The following EPS15L1 variants were observed in gnomAD, a reference collection of about 807,000 sequenced individuals.
EPS15L1 encodes epidermal growth factor receptor pathway substrate 15 like 1.
EPS15L1 carries 43 observed loss-of-function variants against 117.1 expected under a neutral mutation model. The ratio of observed to expected loss-of-function variants is 0.37; its 90% CI spans 0.29 to 0.47. The LOEUF (loss-of-function observed/expected upper bound fraction) is 0.47, where lower values mean the gene tolerates loss of function less well. Among genes scored for constraint, EPS15L1 ranks in the 20% least tolerant of loss-of-function variants. The probability of loss-of-function intolerance (pLI) is 0.99; values close to 1 mark genes in which losing one functional copy is unlikely to be tolerated. For missense variants in EPS15L1, 981 were observed against 1,164.0 expected, an observed-to-expected ratio of 0.84 and a Z score of 2.29; for synonymous variants, 459 against 470.5, an observed-to-expected ratio of 0.98 and a Z score of 0.32.
chr19:16,471,648 G>A lies in EPS15L1; in HGVS notation c.33+265C>T, dbSNP rs1052352764. ...TCCCCGGCCTGGGAGCTTCAGCGGC[G>A]GCAGGGTCCGGGCCCTGGGCGGAGA... On this transcript the variant is annotated intron_variant, in intron 1 of 23. Transcript: ENST00000455140. The surrounding 1 kb of genome is among the most constrained non-coding windows in gnomAD (Gnocchi z 4.8). 7.2e-5 allele frequency among the ~76,000 whole-genome samples: 11 copies of A among 152,132 alleles called. No homozygotes were observed. Among genetic ancestry groups the A allele is most frequent in the East Asian group, 1.9e-4 (1 of 5,162 alleles).
Position 16,434,325 on chromosome 19 carries a change from G to A in EPS15L1, c.498+40C>T, listed in dbSNP as rs1196331548. On this transcript the variant is annotated intron_variant, in intron 7 of 23. Transcript: ENST00000455140. Reference sequence around the variant, plus strand: ...AACAGTGGCGCCCACACACAGCAGGGACACTGAGTGCAGAAGAACCAAGCC... The same window carrying A: ...AACAGTGGCGCCCACACACAGCAGGAACACTGAGTGCAGAAGAACCAAGCC... The A allele has an allele frequency of 2.5e-6, 4 of 1,606,258 alleles. No homozygotes were observed. The Admixed American group carries it at 5.1e-5, about 21-fold the overall frequency.
intron 23 of EPS15L1, 71 bp downstream of exon 23, chr19:16,361,708 G>C: frequency 6.6e-7 from 1 of 1,516,830 alleles, no homozygotes; most frequent in Non-Finnish European, 8.8e-7. Context: ...CCTTTAAAAG[G>C]AGACAAAAAT....
chr19:16,421,531 CA>C (rs2092813941), intron 9 of EPS15L1, 55 bp from the exon 10 acceptor site: 2 of 1,555,844 alleles, frequency 1.3e-6, no homozygotes, highest in African/African-American at 2.7e-5. Context: ...GACCCCCAGA[CA>C]CATGCTTTTT....
In EPS15L1 at chr19:16,355,679, C is replaced by G. The variant is rs902539657; in HGVS notation, c.*26G>C. 1 of 1,531,610 alleles carries G rather than the reference C, an allele frequency of 6.5e-7. No homozygotes were observed. Among genetic ancestry groups the G allele is most frequent in the Non-Finnish European group, 8.7e-7 (1 of 1,143,444 alleles). The allele number at this position is 1,531,610 out of a possible 1,614,324, so 94.9% of individuals were successfully genotyped here. The stretch of plus-strand genomic sequence containing the variant: ...CCCCTCTCTGGAACCCGCCCGTGCC[C>G]TGTCCCGCCTACACACGGCCCTCGC... On this transcript the variant is annotated 3_prime_UTR_variant, in exon 24 of 24. Coordinates refer to ENST00000455140, the MANE Select transcript of EPS15L1 (RefSeq NM_001258374.3).
chr19:16,423,917 A>G (rs2092842390), intron 9 of EPS15L1, among the ~76,000 whole-genome samples: 1 of 152,236 alleles, frequency 6.6e-6, no homozygotes, highest in Non-Finnish European at 1.5e-5. Flanking sequence ...GGATGACAAG[A>G]GTCCTAATAA....
intron 16 of EPS15L1, among the ~76,000 whole-genome samples, chr19:16,397,289 C>T (rs971959439): frequency 7.9e-5 from 12 of 152,066 alleles, no homozygotes; most frequent in Non-Finnish European, 1.5e-4. Flanking sequence ...GGGGTTTCAC[C>T]ATGTTGGGCA....
rs546248750 is a variant in EPS15L1 at position 16,377,376 on chromosome 19, C to A, written c.2248-122G>T. 91 of 1,072,284 alleles carry A rather than the reference C, an allele frequency of 8.5e-5. 2 individuals are homozygous for A. The South Asian group carries it at 1.3e-3, about 15-fold the overall frequency. The allele number at this position is 1,072,284 out of a possible 1,614,324, so 66.4% of individuals were successfully genotyped here. A position where few individuals can be genotyped will look rare whatever the true frequency, so the allele number is the denominator to read the frequency against. On this transcript the variant is annotated intron_variant, in intron 21 of 23. Coordinates refer to ENST00000455140, the MANE Select transcript of EPS15L1 (RefSeq NM_001258374.3). ...AAGGCCTCCTACCCTCTGGACTGCA[C>A]AACATGGCCCTGCTTGGACGTGGGG...
chr19:16,444,592 G>A (rs1037419651), intron 1 of EPS15L1, among the ~76,000 whole-genome samples: 1 of 152,152 alleles, frequency 6.6e-6, no homozygotes, highest in Non-Finnish European at 1.5e-5. Context: ...AGGTGACAGT[G>A]GTCAGGTCTA....
At chr19:16,412,933 G>A (rs1184420729) in intron 13 of EPS15L1, 2 of 657,848 alleles carry the variant, frequency 3.0e-6, no homozygotes, top group Non-Finnish European at 5.7e-6. Flanking sequence ...GTCCCTGGAG[G>A]AGAGCTATCT....
intron 18 of EPS15L1, among the ~76,000 whole-genome samples, chr19:16,393,659 A>AAT (rs1568413064): frequency 1.7e-4 from 25 of 149,910 alleles, no homozygotes; most frequent in African/African-American, 5.4e-4. Flanking sequence ...AAAAAAAAAA[A>AAT]AAATAAAAAA....
At chr19:16,436,658 C>A (rs1379541761) in intron 6 of EPS15L1, 2 of 363,670 alleles carry the variant, frequency 5.5e-6, no homozygotes, top group African/African-American at 2.1e-5. Context: ...ATTTAAACTG[C>A]AGCCCTTTAA....
rs2091972489 is a variant in EPS15L1 at position 16,355,822 on chromosome 19, C to G, written c.2616G>C (p.Trp872Cys). 6.5e-7 allele frequency: 1 copy of G among 1,535,982 alleles called. No individual in the cohort carries two copies. ...SFGNEEQQLA[W>C]AKRESEKAEQ... is the part of the protein sequence containing the mutation. Reference sequence around the variant, plus strand: ...CCGCCTTCTCGCTCTCCCGCTTGGCCCACGCCAGCTGCTGCTCCTCATTGC... The same window carrying G: ...CCGCCTTCTCGCTCTCCCGCTTGGCGCACGCCAGCTGCTGCTCCTCATTGC... The change falls in exon 24 of 24, where the codon TGG (tryptophan) becomes TGC (cysteine). Residue 872 changes from tryptophan to cysteine, a missense_variant. Coordinates refer to ENST00000455140, the MANE Select transcript of EPS15L1 (RefSeq NM_001258374.3).
At position 16,369,676 on chromosome 19, in the gene EPS15L1, A is replaced by AGTGTGTGTGTGTGTGTGTGTGTGT. The variant is rs10543332; in HGVS notation, c.2380+7422_2380+7445dup. Among the ~76,000 whole-genome samples, 1,111 of 146,088 alleles carry AGTGTGTGTGTGTGTGTGTGTGTGT rather than the reference A, an allele frequency of 7.6e-3. 8 individuals are homozygous for AGTGTGTGTGTGTGTGTGTGTGTGT. The highest frequency in any genetic ancestry group is 8.2e-3 in the African/African-American group (318 of 38,950). ...CTGCACCAGCCCTGGAAGAAAAAAA[A>AGTGTGTGTGTGTGTGTGTGTGTGT]GTGTGTGTGTGTGTGTGTGTGTGTG... On this transcript the variant is annotated intron_variant, in intron 22 of 23. Transcript: ENST00000455140.
intron 3 of EPS15L1, 127 bp downstream of exon 3, chr19:16,441,765 G>A: frequency 3.0e-6 from 2 of 670,644 alleles, no homozygotes; most frequent in Non-Finnish European, 2.6e-6. Context: ...TGAGAGGTCT[G>A]CAGCGACCAG....
At chr19:16,376,824 C>T (rs1012826848) in intron 22 of EPS15L1, among the ~76,000 whole-genome samples, 5 of 152,336 alleles carry the variant, frequency 3.3e-5, no homozygotes, top group Admixed American at 1.3e-4. Flanking sequence ...AGGCGGAGGC[C>T]GCACGAAGCG....
intron 8 of EPS15L1, among the ~76,000 whole-genome samples, chr19:16,428,294 C>T (rs1372843695): frequency 2.6e-5 from 4 of 151,316 alleles, no homozygotes; most frequent in Admixed American, 6.6e-5. Context: ...GGGTGGATCA[C>T]AAGGCAGGAG....
intron 1 of EPS15L1, among the ~76,000 whole-genome samples, chr19:16,444,358 TCGTG>T (rs1326803621): frequency 6.6e-6 from 1 of 152,132 alleles, no homozygotes; most frequent in Non-Finnish European, 1.5e-5. Flanking sequence ...GCTGCCCCCC[TCGTG>T]CTTGGAGGCA....
intron 1 of EPS15L1, among the ~76,000 whole-genome samples, chr19:16,464,058 G>A (rs2093277851): frequency 6.6e-6 from 1 of 152,218 alleles, no homozygotes; most frequent in Non-Finnish European, 1.5e-5. Flanking sequence ...CGGTAGCAGC[G>A]CCTGATCCAG....
chr19:16,392,001 G>C (rs769915493), intron 19 of EPS15L1, among the ~76,000 whole-genome samples: 2 of 149,600 alleles, frequency 1.3e-5, no homozygotes, highest in African/African-American at 2.4e-5. Flanking sequence ...TTGAGGGGTA[G>C]GAATGGGGAT....
Sources: gnomAD v4.1 joint callset for allele counts (sites outside exome capture counted in the v4.1 genomes callset) on GRCh38, gnomAD v4.1.1 for gene constraint, Gnocchi (gnomAD v3.1) non-coding constraint, MANE v1.5 for transcripts, NCBI Gene and HGNC (gene_info 2026-07-23, HGNC 2026-07-21) for gene names.